The following ZNF407 variants were observed in gnomAD, a reference collection of about 807,000 sequenced individuals.
ZNF407 encodes zinc finger protein 407.
A neutral mutation model predicts 131.2 loss-of-function variants in ZNF407; 17 were observed. That is an observed-to-expected ratio of 0.13 (90% CI 0.09 to 0.19). The LOEUF (loss-of-function observed/expected upper bound fraction) is 0.19, where lower values mean the gene tolerates loss of function less well. Among genes scored for constraint, ZNF407 ranks in the 10% least tolerant of loss-of-function variants. ZNF407 has a pLI of 1.00. For synonymous variants in ZNF407, 1,156 were observed against 1,062.0 expected, an observed-to-expected ratio of 1.09 and a Z score of -1.72; for missense variants, 2,681 against 2,830.6, an observed-to-expected ratio of 0.95 and a Z score of 1.20.
intron 3 of ZNF407, among the ~76,000 whole-genome samples, chr18:74,712,123 T>C (rs186789414): frequency 1.2e-3 from 188 of 152,316 alleles, no homozygotes; most frequent in African/African-American, 4.4e-3. Flanking sequence ...AGGAAGGCCT[T>C]GTGCTTGCTC....
intron 8 of ZNF407, among the ~76,000 whole-genome samples, chr18:75,013,600 G>A (rs933871454): frequency 1.3e-5 from 2 of 152,116 alleles, no homozygotes; most frequent in East Asian, 1.9e-4. Context: ...GTAGTGAAAT[G>A]TGTGTTGATT....
intron 8 of ZNF407, among the ~76,000 whole-genome samples, chr18:74,932,126 ATAATT>A (rs767364425): frequency 8.4e-4 from 128 of 152,298 alleles, no homozygotes; most frequent in Middle Eastern, 3.4e-3. Flanking sequence ...GTTACAAAGA[ATAATT>A]TATATATTTT....
intron 8 of ZNF407, among the ~76,000 whole-genome samples, chr18:75,053,409 G>A (rs781045670): frequency 3.3e-5 from 5 of 152,278 alleles, no homozygotes; most frequent in South Asian, 2.1e-4. Flanking sequence ...GGGAAACCAC[G>A]GATACTGCCT....
At chr18:74,716,327 G>C (rs1967893330) in intron 3 of ZNF407, among the ~76,000 whole-genome samples, 1 of 152,144 alleles carries the variant, frequency 6.6e-6, no homozygotes. Flanking sequence ...AGTACACAAG[G>C]CTTATTTTAT....
intron 4 of ZNF407, among the ~76,000 whole-genome samples, chr18:74,840,638 C>G (rs546495621): frequency 1.3e-5 from 2 of 152,068 alleles, no homozygotes; most frequent in Non-Finnish European, 2.9e-5. Context: ...CTCAGCTCCC[C>G]GAGTTGCTGG....
At chr18:74,959,532 G>T (rs117871894) in intron 8 of ZNF407, among the ~76,000 whole-genome samples, 2,742 of 152,290 alleles carry the variant, frequency 0.018, 32 homozygotes, top group Non-Finnish European at 0.028. Context: ...CTTTTGTTCT[G>T]TTGAGGTTGT....
intron 8 of ZNF407, among the ~76,000 whole-genome samples, chr18:74,933,310 A>G (rs138829609): frequency 2.0e-5 from 3 of 152,370 alleles, no homozygotes; most frequent in Non-Finnish European, 4.4e-5. Context: ...TACATTGATA[A>G]GTATAATTGC....
At chr18:74,713,382 T>C (rs1056057913) in intron 3 of ZNF407, among the ~76,000 whole-genome samples, 1 of 108,626 alleles carries the variant, frequency 9.2e-6, no homozygotes, top group Non-Finnish European at 2.0e-5. Flanking sequence ...TTTTTTTTTT[T>C]ACATATCTTG....
At chr18:74,734,490 T>C (rs1968365170) in intron 3 of ZNF407, among the ~76,000 whole-genome samples, 2 of 152,218 alleles carry the variant, frequency 1.3e-5, no homozygotes, top group Non-Finnish European at 2.9e-5. Flanking sequence ...TGTAGTATGA[T>C]AGTTTTCTCT....
intron 8 of ZNF407, among the ~76,000 whole-genome samples, chr18:74,964,084 C>G (rs991623640): frequency 6.6e-6 from 1 of 152,204 alleles, no homozygotes; most frequent in Admixed American, 6.5e-5. Flanking sequence ...CCGCGCCTAT[C>G]ACGTGAAGCC....
chr18:74,914,304 G>A (rs980144124), intron 7 of ZNF407, among the ~76,000 whole-genome samples: 1 of 152,166 alleles, frequency 6.6e-6, no homozygotes, highest in African/African-American at 2.4e-5. Flanking sequence ...GCAGTAGAGC[G>A]GAGTTGAGAA....
chr18:74,842,831 C>T, intron 4 of ZNF407, among the ~76,000 whole-genome samples: 1 of 152,100 alleles, frequency 6.6e-6, no homozygotes, highest in Non-Finnish European at 1.5e-5. Flanking sequence ...TCAAGTGATT[C>T]TCATGCCTCA....
intron 3 of ZNF407, among the ~76,000 whole-genome samples, chr18:74,681,682 T>G (rs926485796): frequency 2.0e-5 from 3 of 152,212 alleles, no homozygotes; most frequent in Admixed American, 6.5e-5. Flanking sequence ...TGGAATAATT[T>G]TACTATTCTC....
At chr18:74,785,894 C>T (rs968838262) in intron 4 of ZNF407, among the ~76,000 whole-genome samples, 1 of 151,200 alleles carries the variant, frequency 6.6e-6, no homozygotes, top group Non-Finnish European at 1.5e-5. Flanking sequence ...GCACATGGCA[C>T]TCACATGGGA....
At chr18:74,697,395 T>G (rs1240425859) in intron 3 of ZNF407, among the ~76,000 whole-genome samples, 1 of 152,184 alleles carries the variant, frequency 6.6e-6, no homozygotes, top group Admixed American at 6.5e-5. Context: ...CTGCATTCTT[T>G]TTTAACTAAA....
intron 4 of ZNF407, among the ~76,000 whole-genome samples, chr18:74,842,241 T>A (rs1438755682): frequency 6.6e-6 from 1 of 152,210 alleles, no homozygotes; most frequent in Non-Finnish European, 1.5e-5. Flanking sequence ...GACAGGTGCC[T>A]AATAAAAGGA....
intron 8 of ZNF407, among the ~76,000 whole-genome samples, chr18:75,041,650 A>T (rs1973375308): frequency 6.6e-6 from 1 of 152,146 alleles, no homozygotes. Context: ...ACACACACAC[A>T]CACACAAACT....
intron 3 of ZNF407, among the ~76,000 whole-genome samples, chr18:74,750,423 T>G (rs1020143000): frequency 3.0e-4 from 46 of 152,222 alleles, no homozygotes; most frequent in African/African-American, 1.1e-3. Flanking sequence ...CAGCTTTTCT[T>G]TTCTATAGAT....
intron 4 of ZNF407, among the ~76,000 whole-genome samples, chr18:74,806,044 C>A (rs961230263): frequency 6.6e-6 from 1 of 152,092 alleles, no homozygotes; most frequent in Non-Finnish European, 1.5e-5. Context: ...AATGATTTAT[C>A]CTTATACACT....
Sources: allele counts gnomAD v4.1 joint callset (sites outside exome capture counted in the v4.1 genomes callset), GRCh38; gene constraint gnomAD v4.1.1; transcripts MANE v1.5; gene names NCBI Gene and HGNC (gene_info 2026-07-23, HGNC 2026-07-21).